Variants in DSCAM observed in about 807,000 individuals in gnomAD.
DSCAM encodes DS cell adhesion molecule.
DSCAM carries 47 observed loss-of-function variants against 217.7 expected under a neutral mutation model. That is an observed-to-expected ratio of 0.22 (90% CI 0.17 to 0.28). The LOEUF (loss-of-function observed/expected upper bound fraction) is 0.28. Among genes scored for constraint, DSCAM ranks in the 10% least tolerant of loss-of-function variants. DSCAM has a pLI of 1.00. For synonymous variants in DSCAM, 1,056 were observed against 1,015.3 expected, an observed-to-expected ratio of 1.04 and a Z score of -0.76; for missense variants, 2,080 against 2,618.3, an observed-to-expected ratio of 0.79 and a Z score of 4.49.
intron 10 of DSCAM, among the ~76,000 whole-genome samples, chr21:40,283,116 T>A (rs367718637): frequency 3.3e-5 from 5 of 152,224 alleles, no homozygotes; most frequent in Admixed American, 2.0e-4. Flanking sequence ...ATTTGTTTAA[T>A]TGGAGGGAAG....
intron 3 of DSCAM, among the ~76,000 whole-genome samples, chr21:40,614,984 G>A (rs1264740055): frequency 6.6e-6 from 1 of 151,208 alleles, no homozygotes; most frequent in Non-Finnish European, 1.5e-5. Flanking sequence ...ATATATGTAT[G>A]CATGTGCACA....
At chr21:40,701,177 C>T (rs2090652831) in intron 2 of DSCAM, among the ~76,000 whole-genome samples, 1 of 152,076 alleles carries the variant, frequency 6.6e-6, no homozygotes, top group South Asian at 2.1e-4. Flanking sequence ...ATCTGTTTTT[C>T]CTTGAGTGAG....
intron 27 of DSCAM, among the ~76,000 whole-genome samples, chr21:40,066,646 T>C (rs537806268): frequency 2.0e-5 from 3 of 152,240 alleles, no homozygotes; most frequent in Non-Finnish European, 4.4e-5. Context: ...ATTATTCCTA[T>C]TAAACTGTAT....
intron 1 of DSCAM, among the ~76,000 whole-genome samples, chr21:40,732,166 A>G (rs1306844934): frequency 6.6e-6 from 1 of 152,218 alleles, no homozygotes; most frequent in Non-Finnish European, 1.5e-5. Context: ...ACCAGGGACC[A>G]TAATATGGGA....
At chr21:40,818,787 A>G (rs2091904674) in intron 1 of DSCAM, among the ~76,000 whole-genome samples, 2 of 152,188 alleles carry the variant, frequency 1.3e-5, no homozygotes, top group African/African-American at 4.8e-5. Context: ...GATAAAATCT[A>G]AGAGAACGAC....
intron 1 of DSCAM, among the ~76,000 whole-genome samples, chr21:40,789,113 G>A (rs1252125794): frequency 6.6e-6 from 1 of 152,070 alleles, no homozygotes; most frequent in Non-Finnish European, 1.5e-5. Context: ...TATCCTTTGG[G>A]AGAATCAGAA....
chr21:40,486,744 T>C (rs1185022445), intron 3 of DSCAM, among the ~76,000 whole-genome samples: 1 of 152,200 alleles, frequency 6.6e-6, no homozygotes, highest in Non-Finnish European at 1.5e-5. Context: ...TATGCAATAT[T>C]TCCTTTCTAG....
intron 3 of DSCAM, among the ~76,000 whole-genome samples, chr21:40,371,439 G>T (rs2123703777): frequency 6.6e-6 from 1 of 150,728 alleles, no homozygotes; most frequent in East Asian, 2.0e-4. Flanking sequence ...AAAAAAAGAT[G>T]ATGTATGTAA....
At chr21:40,019,638 G>C (rs1194202098) in intron 32 of DSCAM, among the ~76,000 whole-genome samples, 1 of 152,174 alleles carries the variant, frequency 6.6e-6, no homozygotes, top group Non-Finnish European at 1.5e-5. Flanking sequence ...GGATCCAGAA[G>C]AAGTCCAAGG....
chr21:40,723,117 C>A (rs1178991074), intron 1 of DSCAM, among the ~76,000 whole-genome samples: 1 of 149,158 alleles, frequency 6.7e-6, no homozygotes, highest in African/African-American at 2.5e-5. Flanking sequence ...GTGCTAATTA[C>A]CATTAGGGTA....
intron 3 of DSCAM, among the ~76,000 whole-genome samples, chr21:40,390,024 C>T (rs2075119692): frequency 6.6e-6 from 1 of 152,172 alleles, no homozygotes; most frequent in Non-Finnish European, 1.5e-5. Context: ...CTATCCATTC[C>T]CCCACCACCC....
At chr21:40,436,390 A>G (rs987074448) in intron 3 of DSCAM, among the ~76,000 whole-genome samples, 1 of 152,166 alleles carries the variant, frequency 6.6e-6, no homozygotes, top group Non-Finnish European at 1.5e-5. Context: ...CCTCTGGGGG[A>G]AGAACCTAGA....
At chr21:40,713,923 C>A (rs1436997496) in intron 1 of DSCAM, among the ~76,000 whole-genome samples, 1 of 152,208 alleles carries the variant, frequency 6.6e-6, no homozygotes, top group Non-Finnish European at 1.5e-5. Flanking sequence ...CGGGACCTAT[C>A]CGCTGCATTG....
intron 3 of DSCAM, among the ~76,000 whole-genome samples, chr21:40,373,403 C>G (rs1009189105): frequency 6.6e-6 from 1 of 152,086 alleles, no homozygotes; most frequent in African/African-American, 2.4e-5. Flanking sequence ...GCCCCTATCT[C>G]TAGGGAGCTT....
chr21:40,830,722 C>T (rs1428524569), intron 1 of DSCAM, among the ~76,000 whole-genome samples: 1 of 152,116 alleles, frequency 6.6e-6, no homozygotes, highest in Non-Finnish European at 1.5e-5. Flanking sequence ...ACTTGTTTGT[C>T]AATTAAATGG....
intron 10 of DSCAM, among the ~76,000 whole-genome samples, chr21:40,292,945 C>G (rs1175753077): frequency 6.6e-6 from 1 of 152,028 alleles, no homozygotes; most frequent in African/African-American, 2.4e-5. Flanking sequence ...ACCGTGTTAG[C>G]CAGGATGGTC....
chr21:40,244,568 C>G (rs2146948479), intron 11 of DSCAM, among the ~76,000 whole-genome samples: 1 of 152,002 alleles, frequency 6.6e-6, no homozygotes, highest in South Asian at 2.1e-4. Context: ...TGATGCAGAT[C>G]TAAGAGGTCT....
intron 2 of DSCAM, 67 bp downstream of exon 2, chr21:40,708,387 G>A (rs2090740264): frequency 3.1e-6 from 4 of 1,296,318 alleles, no homozygotes; most frequent in Non-Finnish European, 2.0e-6. Flanking sequence ...ATTTTGCTAT[G>A]TGTCATTGTC....
intron 3 of DSCAM, among the ~76,000 whole-genome samples, chr21:40,449,145 A>C (rs995898451): frequency 7.9e-5 from 12 of 152,132 alleles, no homozygotes; most frequent in Admixed American, 5.2e-4. Context: ...CTATGTCTGA[A>C]AAAGGTCTTC....
Sources: allele counts gnomAD v4.1 joint callset (sites outside exome capture counted in the v4.1 genomes callset), GRCh38; gene constraint gnomAD v4.1.1; transcripts MANE v1.5; gene names NCBI Gene and HGNC (gene_info 2026-07-23, HGNC 2026-07-21).